The following COL4A2 variants were observed in gnomAD, a reference collection of about 807,000 sequenced individuals.
COL4A2 encodes collagen alpha-2(IV) chain.
In COL4A2, 99 loss-of-function variants were observed where a neutral mutation model predicts 200.2. The observed-to-expected ratio is 0.49, with a 90% CI of 0.42 to 0.58. The LOEUF (loss-of-function observed/expected upper bound fraction) is 0.58. Ranked by LOEUF, COL4A2 falls within the 20% of genes least tolerant of loss-of-function variation. The pLI is 0.00. For synonymous variants in COL4A2, 897 were observed against 900.6 expected, an observed-to-expected ratio of 1.00 and a Z score of 0.07; for missense variants, 1,950 against 2,314.1, an observed-to-expected ratio of 0.84 and a Z score of 3.23.
At chr13:110,310,086 T>G (rs1255146439) in intron 3 of COL4A2, among the ~76,000 whole-genome samples, 1 of 152,222 alleles carries the variant, frequency 6.6e-6, no homozygotes, top group African/African-American at 2.4e-5. Context: ...CTCTGAAGAA[T>G]TACGGCTTCA....
chr13:110,428,139 C>T (rs780950712), intron 6 of COL4A2, among the ~76,000 whole-genome samples: 44 of 152,000 alleles, frequency 2.9e-4, no homozygotes, highest in Non-Finnish European at 5.4e-4. Context: ...AAAATCTTTC[C>T]TAGAATTTTT....
At chr13:110,469,033 A>G (rs1650419297) in intron 27 of COL4A2, among the ~76,000 whole-genome samples, 184 bp from the exon 28 acceptor site, 1 of 152,232 alleles carries the variant, frequency 6.6e-6, no homozygotes, top group South Asian at 2.1e-4. Context: ...TCCAGTCCGT[A>G]AACAGGATTT....
At chr13:110,471,138 A>G (rs920427107) in intron 28 of COL4A2, among the ~76,000 whole-genome samples, 1 of 152,232 alleles carries the variant, frequency 6.6e-6, no homozygotes, top group Non-Finnish European at 1.5e-5. Flanking sequence ...TGAGAGAAGG[A>G]TAATAATTCC....
At chr13:110,453,162 T>C (rs1881606769) in intron 20 of COL4A2, among the ~76,000 whole-genome samples, 1 of 152,224 alleles carries the variant, frequency 6.6e-6, no homozygotes, top group Non-Finnish European at 1.5e-5. Context: ...AGTTTTCTTT[T>C]TCTGGAGCAG....
chr13:110,452,454 G>A (rs1881577438), intron 20 of COL4A2, among the ~76,000 whole-genome samples: 1 of 152,166 alleles, frequency 6.6e-6, no homozygotes, highest in South Asian at 2.1e-4. Context: ...GAGCCAACGC[G>A]CCCGGCCCAA....
At position 110,429,888 on chromosome 13, in the gene COL4A2, C is replaced by A; in HGVS notation, c.481C>A (p.Pro161Thr). The A allele has an allele frequency of 1.9e-6, 3 of 1,612,816 alleles. 1 individual carries two copies. In the South Asian group the frequency reaches 3.3e-5, roughly 18 times the overall value. ...TTACAATATATCTGCTAATTAGGGGCCCCAAGGACCAAAAGGGCAGAAAGG... is the reference window on the plus strand; with the variant it reads ...TTACAATATATCTGCTAATTAGGGGACCCAAGGACCAAAAGGGCAGAAAGG... The part of the protein sequence containing the change: ...GSEGFTGPPG[P>T]QGPKGQKGEP... The change falls in exon 8 of 48, where the codon CCC becomes ACC. Residue 161 changes from proline to threonine, a missense_variant. Pro to Thr is a conservative substitution (Grantham distance 38). This residue lies in a region of COL4A2 where 565 missense variants were observed against 593.5 expected (regional missense o/e 0.95). Coordinates refer to ENST00000360467, the MANE Select transcript of COL4A2 (RefSeq NM_001846.4).
intron 29 of COL4A2, among the ~76,000 whole-genome samples, chr13:110,474,709 T>TCA (rs146041328): frequency 0.061 from 3,350 of 54,840 alleles, 751 homozygotes; most frequent in Middle Eastern, 0.12. Context: ...CTGTGTACAC[T>TCA]CACATGATCA....
At chr13:110,489,927 A>C in intron 36 of COL4A2, 142 bp downstream of exon 36, 1 of 801,992 alleles carries the variant, frequency 1.2e-6, no homozygotes, top group Non-Finnish European at 2.0e-6. Context: ...CCAATGTGCA[A>C]GAAAGACCGT....
Position 110,493,198 on chromosome 13 carries a change from GAC to G in COL4A2, c.3563-10_3563-9del, listed in dbSNP as rs764689871. ...GCAGGTGAAATAAATAACGATGAGTGACACCCCCGCAGGTTTTCCGGGACTCC... is the reference window on the plus strand; with the variant it reads ...GCAGGTGAAATAAATAACGATGAGTGACCCCCGCAGGTTTTCCGGGACTCC... On this transcript the variant is annotated splice_polypyrimidine_tract_variant and intron_variant, in intron 38 of 47. Transcript: ENST00000360467. 6.2e-7 allele frequency: 1 copy of G among 1,613,946 alleles called. No homozygotes were observed. The highest frequency in any genetic ancestry group is 8.5e-7 in the Non-Finnish European group (1 of 1,180,028).
At chr13:110,391,388 T>G (rs1416914125) in intron 4 of COL4A2, among the ~76,000 whole-genome samples, 10 of 152,338 alleles carry the variant, frequency 6.6e-5, no homozygotes, top group Non-Finnish European at 1.2e-4. Flanking sequence ...TGGTCATTTG[T>G]GAGGAGTCCG....
chr13:110,379,576 A>G (rs1166504264), intron 4 of COL4A2, among the ~76,000 whole-genome samples: 1 of 152,100 alleles, frequency 6.6e-6, no homozygotes, highest in Admixed American at 6.5e-5. Flanking sequence ...CTCCCTTCTC[A>G]TGCACCCCCA....
chr13:110,462,906 A>G (rs1460600309), intron 24 of COL4A2: 1 of 156,060 alleles, frequency 6.4e-6, no homozygotes, highest in Non-Finnish European at 1.4e-5. Context: ...TCCTGCCACC[A>G]CGCCTTTCCC....
At chr13:110,430,713 T>C in intron 10 of COL4A2, 106 bp downstream of exon 10, 4 of 1,417,562 alleles carry the variant, frequency 2.8e-6, no homozygotes, top group Non-Finnish European at 4.0e-6. Flanking sequence ...TAAGAACAAC[T>C]ATGATGCTTA....
intron 22 of COL4A2, chr13:110,461,890 C>T: frequency 1.6e-6 from 1 of 611,644 alleles, no homozygotes; most frequent in African/African-American, 1.8e-5. Flanking sequence ...TCAGTCCCAC[C>T]ATCCGCAGTT....
intron 4 of COL4A2, among the ~76,000 whole-genome samples, chr13:110,397,070 C>A (rs1475465868): frequency 1.3e-5 from 2 of 152,188 alleles, no homozygotes; most frequent in Non-Finnish European, 2.9e-5. Context: ...TAACGTTGCT[C>A]AAGGCCCGAG....
intron 28 of COL4A2, among the ~76,000 whole-genome samples, chr13:110,472,605 C>A (rs1426272204): frequency 1.3e-5 from 2 of 152,096 alleles, no homozygotes; most frequent in African/African-American, 2.4e-5. Flanking sequence ...AAAAGCTATT[C>A]TTTGGGGCTT....
chr13:110,373,262 G>A (rs1477095972), intron 4 of COL4A2, among the ~76,000 whole-genome samples: 3 of 152,182 alleles, frequency 2.0e-5, no homozygotes, highest in Non-Finnish European at 2.9e-5. Flanking sequence ...TGTTGTGAAC[G>A]CATTTTTTAG....
chr13:110,357,583 A>G (rs1482226950), intron 4 of COL4A2, 31 bp downstream of exon 4: 1 of 1,555,864 alleles, frequency 6.4e-7, no homozygotes, highest in Non-Finnish European at 8.7e-7. Flanking sequence ...AAATAATATT[A>G]TCTTCCTCAT....
At chr13:110,453,604 A>G (rs1440635577) in intron 20 of COL4A2, among the ~76,000 whole-genome samples, 5 of 152,374 alleles carry the variant, frequency 3.3e-5, no homozygotes, top group East Asian at 3.8e-4. Flanking sequence ...AAGTCACAGC[A>G]TATGCCATCT....
Sources: allele counts gnomAD v4.1 joint callset (sites outside exome capture counted in the v4.1 genomes callset), GRCh38; gene constraint gnomAD v4.1.1; regional missense constraint gnomAD v4.1.1; transcripts MANE v1.5; gene names NCBI Gene and HGNC (gene_info 2026-07-23, HGNC 2026-07-21).